The following ZNF43 variants were observed in gnomAD, a reference collection of about 807,000 sequenced individuals.
ZNF43 encodes the protein zinc finger protein 43, also known as zinc finger protein 39-like 1 (KOX 27).
In ZNF43, 44 loss-of-function variants were observed where a neutral mutation model predicts 68.4. The observed-to-expected ratio is 0.64, with a 90% CI of 0.51 to 0.83. The LOEUF (loss-of-function observed/expected upper bound fraction) is 0.83. Ranked by LOEUF, ZNF43 falls within the 40% of genes least tolerant of loss-of-function variation. ZNF43 has a pLI of 0.00. For synonymous variants in ZNF43, 308 were observed against 307.8 expected (o/e 1.00, Z -0.01); for missense variants, 896 against 933.2 (o/e 0.96, Z 0.52).
chr19:21,823,593 T>TTC (rs2037959941), intron 1 of ZNF43, among the ~76,000 whole-genome samples: 1 of 133,420 alleles, frequency 7.5e-6, no homozygotes, highest in Non-Finnish European at 1.6e-5. Flanking sequence ...TTTTTTTTTT[T>TTC]TCGTGAGATG....
rs147249586 is a variant in ZNF43, at chr19:21,842,932, T to C, written c.30+8973A>G. Among the ~76,000 whole-genome samples the C allele has an allele frequency of 2.7e-3, 402 of 147,306 alleles. 2 individuals are homozygous for C. The highest frequency in any genetic ancestry group is 9.9e-3 in the African/African-American group (394 of 39,716). ...CAGGCAGGAGAGAAGAGTGAGATCA[T>C]GTAGGTGCTTGGCACAGATATGTTA... On this transcript the variant is annotated intron_variant, in intron 1 of 3. Transcript: ENST00000357491.
chr19:21,849,948 G>A (rs1446890002), intron 1 of ZNF43: 3 of 152,168 alleles, frequency 2.0e-5, no homozygotes, highest in Non-Finnish European at 2.9e-5. Context: ...CATCACGTGC[G>A]TTTTGGGTCA....
intron 1 of ZNF43, among the ~76,000 whole-genome samples, chr19:21,821,886 A>T (rs1419763420): frequency 6.6e-6 from 1 of 150,874 alleles, no homozygotes; most frequent in African/African-American, 2.4e-5. Flanking sequence ...GAGTGGACAC[A>T]GCTCTTGATC....
chr19:21,831,154 A>G (rs1208615244), intron 1 of ZNF43, among the ~76,000 whole-genome samples: 1 of 152,198 alleles, frequency 6.6e-6, no homozygotes, highest in East Asian at 1.9e-4. Context: ...GAATGGACAC[A>G]CAGAAGTTGG....
chr19:21,838,675 C>T (rs1474928565), upstream of ZNF43, among the ~76,000 whole-genome samples: 4 of 152,156 alleles, frequency 2.6e-5, no homozygotes, highest in Admixed American at 6.5e-5. Flanking sequence ...GCTGGGATTA[C>T]AGGAGTAAGC....
intron 3 of ZNF43, among the ~76,000 whole-genome samples, chr19:21,817,640 G>T (rs1397228000): frequency 6.6e-6 from 1 of 152,202 alleles, no homozygotes; most frequent in African/African-American, 2.4e-5. Flanking sequence ...TAAATGTCAT[G>T]AAGAGGACTT....
At chr19:21,831,129 C>G (rs529526358) in intron 1 of ZNF43, among the ~76,000 whole-genome samples, 1 of 152,216 alleles carries the variant, frequency 6.6e-6, no homozygotes, top group Admixed American at 6.5e-5. Flanking sequence ...GTCACAAACT[C>G]AAAGCCAATA....
chr19:21,807,711 T>C lies in ZNF43; in HGVS notation c.2326A>G (p.Asn776Asp). ...TGAATTTTGTTATGTGTAGTAAGGTTTGAATATTGGTTGAAAGCTTTGCCA... is the reference window on the plus strand; with the variant it reads ...TGAATTTTGTTATGTGTAGTAAGGTCTGAATATTGGTTGAAAGCTTTGCCA... ...ECGKAFNQYS[N>D]LTTHNKIHTG... Residue 776 changes from asparagine (N) to aspartate (D), a missense_variant, in exon 4 of 4, where the codon AAC (asparagine) becomes GAC (aspartate). Physicochemically the swap from Asn to Asp is conservative, Grantham distance 23. Transcript: ENST00000354959. 1.2e-6 allele frequency: 2 copies of C among 1,613,600 alleles called. No homozygotes were observed. Among genetic ancestry groups the C allele is most frequent in the Middle Eastern group, 3.3e-4 (2 of 6,054 alleles).
chr19:21,822,744 A>G (rs1008213532), intron 1 of ZNF43, among the ~76,000 whole-genome samples: 3 of 151,964 alleles, frequency 2.0e-5, no homozygotes, highest in African/African-American at 4.8e-5. Flanking sequence ...GGCGGAGCTT[A>G]CAGTGAGCCG....
intron 3 of ZNF43, chr19:21,812,040 TAGAG>T (rs1568351302): frequency 2.5e-6 from 1 of 398,412 alleles, no homozygotes; most frequent in East Asian, 3.6e-5. Context: ...AAACATTCAA[TAGAG>T]AGACAATGCC....
At chr19:21,812,369 C>T (rs1019402297) in intron 3 of ZNF43, among the ~76,000 whole-genome samples, 10 of 152,312 alleles carry the variant, frequency 6.6e-5, no homozygotes, top group Admixed American at 3.3e-4. Context: ...CCGCCTCAGC[C>T]TCCCAAAGTG....
chr19:21,821,207 C>T (rs1295408210), intron 1 of ZNF43, among the ~76,000 whole-genome samples: 2 of 146,240 alleles, frequency 1.4e-5, no homozygotes, highest in African/African-American at 5.1e-5. Context: ...TGCGGTGGCG[C>T]GAATCTCCGC....
chr19:21,821,322 A>AT (rs977384516), intron 1 of ZNF43, among the ~76,000 whole-genome samples: 11 of 149,796 alleles, frequency 7.3e-5, no homozygotes, highest in Admixed American at 1.3e-4. Flanking sequence ...TTTTTTTTGT[A>AT]TTTTTTTTCG....
chr19:21,850,894 G>GGA (rs34504788), intron 1 of ZNF43: 69,144 of 151,904 alleles, frequency 0.46, 17,609 homozygotes, highest in African/African-American at 0.7. Context: ...GGCCAAGGCA[G>GGA]GAGTCAAATC....
chr19:21,809,955 G>T, intron 3 of ZNF43, 148 bp from the exon 4 acceptor site: 1 of 797,912 alleles, frequency 1.3e-6, no homozygotes, highest in Non-Finnish European at 1.8e-6. Context: ...ACATATAAAT[G>T]TAACAAAAAC....
intron 2 of ZNF43, among the ~76,000 whole-genome samples, chr19:21,818,368 TG>T (rs1284233674): frequency 6.6e-6 from 1 of 151,352 alleles, no homozygotes; most frequent in Admixed American, 6.6e-5. Flanking sequence ...CCCAAAGTGC[TG>T]GGATTACAGG....
At chr19:21,824,432 G>A (rs967853999) in intron 1 of ZNF43, among the ~76,000 whole-genome samples, 5 of 152,294 alleles carry the variant, frequency 3.3e-5, no homozygotes, top group African/African-American at 1.2e-4. Context: ...TCACGTAAGT[G>A]TTAGCAGGTC....
At position 21,807,695 on chromosome 19, in the gene ZNF43, T is replaced by C. The variant is rs776090083; in HGVS notation, c.2342A>G (p.Asn781Ser). The change falls in exon 4 of 4, where the codon AAC (asparagine) becomes AGC (serine). Residue 781 changes from asparagine to serine, a missense_variant. Coordinates refer to ENST00000354959, the MANE Select transcript of ZNF43 (RefSeq NM_003423.4). ...FNQYSNLTTH[N>S]KIHTGEKLYK... ...GAGTTTCTCTCCAGTATGAATTTTG[T>C]TATGTGTAGTAAGGTTTGAATATTG... 5.6e-6 allele frequency: 9 copies of C among 1,611,922 alleles called. No individual in the cohort carries two copies. Among genetic ancestry groups the C allele is most frequent in the African/African-American group, 2.7e-5 (2 of 74,844 alleles).
intron 3 of ZNF43, among the ~76,000 whole-genome samples, chr19:21,811,471 C>T (rs1375624041): frequency 6.7e-6 from 1 of 149,686 alleles, no homozygotes; most frequent in Non-Finnish European, 1.5e-5. Context: ...AGAGGCAGAG[C>T]TTTCAGTGAG....
Sources: allele counts gnomAD v4.1 joint callset (sites outside exome capture counted in the v4.1 genomes callset), GRCh38; gene constraint gnomAD v4.1.1; transcripts MANE v1.5; gene names NCBI Gene and HGNC (gene_info 2026-07-23, HGNC 2026-07-21).